Variants in CCDC25 observed in about 807,000 individuals in gnomAD.
CCDC25 encodes the protein coiled-coil domain containing 25, also known as coiled-coil domain-containing protein 25.
In CCDC25, 16 loss-of-function variants were observed where a neutral mutation model predicts 35.3. That is an observed-to-expected ratio of 0.45 (90% confidence interval 0.31 to 0.69). The LOEUF (loss-of-function observed/expected upper bound fraction) is 0.69. Among genes scored for constraint, CCDC25 ranks in the 30% least tolerant of loss-of-function variants. The probability of loss-of-function intolerance (pLI) is 0.06; values close to 1 mark genes in which losing one functional copy is unlikely to be tolerated. For synonymous variants in CCDC25, 79 were observed against 80.3 expected (o/e 0.98, Z 0.09); for missense variants, 179 against 250.7 (o/e 0.71, Z 1.93).
Position 27,737,672 on chromosome 8 carries a change from A to G in CCDC25, c.598-1427T>C, listed in dbSNP as rs1375489044. ...AGCCACTATGGAAAACAGCAAGGAG[A>G]TTTCTTAAAGAACTGAAGTAGAACT... On this transcript the variant is annotated intron_variant, in intron 8 of 8. Coordinates refer to ENST00000356537, the MANE Select transcript of CCDC25 (RefSeq NM_018246.3). This position sits in a 1 kb window ranked among gnomAD's most constrained non-coding sequence, Gnocchi z 4.6. Among the ~76,000 whole-genome samples, 1 of 152,172 alleles carries G rather than the reference A, an allele frequency of 6.6e-6. No individual in the cohort carries two copies. Among genetic ancestry groups the G allele is most frequent in the Non-Finnish European group, 1.5e-5 (1 of 68,034 alleles).
rs10098686 is a variant in CCDC25, at chr8:27,741,056, A to T, written c.552-539T>A. ...AGAGACAGAGATGGTATCTTTAATG[A>T]CTTGCTGAATATCCAGCTAACTCAG... is the stretch of plus-strand genomic sequence containing the variant. On this transcript the variant is annotated intron_variant, in intron 7 of 8. Transcript: ENST00000356537. 4.7e-3 allele frequency among the ~76,000 whole-genome samples: 717 copies of T among 152,322 alleles called. 7 individuals carry two copies. Among genetic ancestry groups the T allele is most frequent in the African/African-American group, 0.017 (689 of 41,570 alleles).
chr8:27,766,598 G>C (rs1804407986), intron 1 of CCDC25, among the ~76,000 whole-genome samples: 1 of 151,908 alleles, frequency 6.6e-6, no homozygotes, highest in African/African-American at 2.4e-5. Context: ...CAAAAGGGTG[G>C]GAATAAAACT....
rs528265770 is a variant in CCDC25 at position 27,767,006 on chromosome 8, C to G, written c.29-1755G>C. Among the ~76,000 whole-genome samples the G allele has an allele frequency of 7.9e-5, 12 of 151,408 alleles. No individual in the cohort carries two copies. In the South Asian group the frequency reaches 2.5e-3, roughly 31 times the overall value. The stretch of plus-strand genomic sequence containing the variant: ...TGGAAGCATAAACATTTTTTAACAA[C>G]AGTTACCTTGGTTAGCCTGCTATAA... On this transcript the variant is annotated intron_variant, in intron 1 of 8. Coordinates refer to ENST00000356537, the MANE Select transcript of CCDC25 (RefSeq NM_018246.3).
In CCDC25 at chr8:27,762,791, C is replaced by G. The variant is rs184256512; in HGVS notation, c.77-333G>C. ...CAGATAATCAATTCACCTAATAATA[C>G]TTAAACATTAAAAAGAACTGGCTGA... On this transcript the variant is annotated intron_variant, in intron 2 of 8. Coordinates refer to ENST00000356537, the MANE Select transcript of CCDC25 (RefSeq NM_018246.3). Among the ~76,000 whole-genome samples, 226 of 152,128 alleles carry G rather than the reference C, an allele frequency of 1.5e-3. 4 individuals carry two copies. Among genetic ancestry groups the G allele is most frequent in the Non-Finnish European group, 9.1e-4 (62 of 67,994 alleles).
At chr8:27,750,974 G>A (rs1803781244) in intron 5 of CCDC25, among the ~76,000 whole-genome samples, 1 of 152,138 alleles carries the variant, frequency 6.6e-6, no homozygotes. Flanking sequence ...CCACTCCTCG[G>A]CACATAATCT....
intron 1 of CCDC25, among the ~76,000 whole-genome samples, chr8:27,766,190 TACTGAAAAATAAATACAC>T (rs1157217583): frequency 6.6e-6 from 1 of 152,146 alleles, no homozygotes; most frequent in African/African-American, 2.4e-5. Flanking sequence ...GATGGAGAAG[TACTGAAAAATAAATACAC>T]ACTGAAGCAA....
At chr8:27,771,655 C>T (rs150903128) in intron 1 of CCDC25, among the ~76,000 whole-genome samples, 72 of 152,276 alleles carry the variant, frequency 4.7e-4, no homozygotes, top group African/African-American at 1.7e-3. Context: ...GGGACTTACA[C>T]TCTAGCTCAA....
At chr8:27,739,511 T>TA (rs1490475511) in intron 8 of CCDC25, among the ~76,000 whole-genome samples, 2 of 151,494 alleles carry the variant, frequency 1.3e-5, no homozygotes, top group African/African-American at 2.4e-5. Context: ...AAAAAACAAT[T>TA]AAAAAAATAC....
chr8:27,746,595 A>G (rs1803610950), intron 7 of CCDC25, among the ~76,000 whole-genome samples: 1 of 152,196 alleles, frequency 6.6e-6, no homozygotes, highest in South Asian at 2.1e-4. Flanking sequence ...TAACTGCTCT[A>G]AATCCTGCAT....
chr8:27,758,297 G>C (rs998057985), intron 3 of CCDC25, among the ~76,000 whole-genome samples: 2 of 152,158 alleles, frequency 1.3e-5, no homozygotes, highest in African/African-American at 4.8e-5. Context: ...CCTAGTACAA[G>C]ATGTAGACTG....
At position 27,735,248 on chromosome 8, in the gene CCDC25, C is replaced by T. The variant is rs1803180336; in HGVS notation, c.*968G>A. ...CACCAACATGGAATAAATGGAAACA[C>T]TAGCCTTTTGGTTTTGCCCACAGTT... On this transcript the variant is annotated 3_prime_UTR_variant, in exon 9 of 9. Coordinates refer to ENST00000356537, the MANE Select transcript of CCDC25 (RefSeq NM_018246.3). The T allele has an allele frequency of 6.6e-6, 1 of 152,578 alleles. No individual in the cohort carries two copies. The allele number at this position is 152,578 out of a possible 1,614,324, so 9.5% of individuals were successfully genotyped here. A position where few individuals can be genotyped will look rare whatever the true frequency, so the allele number is the denominator to read the frequency against.
At chr8:27,760,852 G>A (rs182598238) in intron 3 of CCDC25, among the ~76,000 whole-genome samples, 22 of 152,308 alleles carry the variant, frequency 1.4e-4, no homozygotes, top group African/African-American at 2.9e-4. Flanking sequence ...CTGGCTGGGC[G>A]CGGTGGCTCA....
intron 8 of CCDC25, among the ~76,000 whole-genome samples, chr8:27,738,601 GGTGTGTGT>G (rs35046025): frequency 9.3e-5 from 14 of 150,074 alleles, no homozygotes; most frequent in East Asian, 2.0e-4. Flanking sequence ...TCGGTAGGTA[GGTGTGTGT>G]GTGTGTGTGT....
Position 27,759,966 on chromosome 8 carries a change from C to A in CCDC25, c.116+2453G>T, listed in dbSNP as rs1455252658. ...GAACACCCCACCCTGGAATGGTGAT[C>A]AACTCAGGATCATTCTTAGCACTCC... On this transcript the variant is annotated intron_variant, in intron 3 of 8. Coordinates refer to ENST00000356537, the MANE Select transcript of CCDC25 (RefSeq NM_018246.3). Among the ~76,000 whole-genome samples, 16 of 152,116 alleles carry A rather than the reference C, an allele frequency of 1.1e-4. No individual in the cohort carries two copies. In the East Asian group the frequency reaches 2.9e-3, roughly 28 times the overall value.
intron 7 of CCDC25, chr8:27,747,717 A>G (rs1191752869): frequency 4.5e-6 from 1 of 220,804 alleles, no homozygotes; most frequent in African/African-American, 2.3e-5. Context: ...AGCCAACACA[A>G]CTTTACTTAA....
At chr8:27,747,342 C>G (rs1803639471) in intron 7 of CCDC25, among the ~76,000 whole-genome samples, 1 of 152,118 alleles carries the variant, frequency 6.6e-6, no homozygotes, top group South Asian at 2.1e-4. Flanking sequence ...GGAGAAGGAG[C>G]CACAAGCCAA....
intron 1 of CCDC25, among the ~76,000 whole-genome samples, chr8:27,767,978 G>A (rs1458973287): frequency 3.9e-5 from 6 of 152,222 alleles, no homozygotes; most frequent in Non-Finnish European, 8.8e-5. Flanking sequence ...GAGGCAGGTG[G>A]ATTACTTGGG....
chr8:27,736,153 CA>C lies in CCDC25; in HGVS notation c.*62del. The C allele has an allele frequency of 2.0e-6, 3 of 1,528,196 alleles. No homozygotes were observed. Among genetic ancestry groups the C allele is most frequent in the South Asian group, 1.2e-5 (1 of 82,522 alleles). The allele number at this position is 1,528,196 out of a possible 1,614,324, so 94.7% of individuals were successfully genotyped here. A position where few individuals can be genotyped will look rare whatever the true frequency, so the allele number is the denominator to read the frequency against. On this transcript the variant is annotated 3_prime_UTR_variant, in exon 9 of 9. Coordinates refer to ENST00000356537, the MANE Select transcript of CCDC25 (RefSeq NM_018246.3). ...TTATATTTCAGAACACAGATGAAACCAAAAGGTCTGCAATTGTCTCTACATT... is the reference window on the plus strand; with the variant it reads ...TTATATTTCAGAACACAGATGAAACCAAAGGTCTGCAATTGTCTCTACATT...
At chr8:27,744,219 A>T (rs1045915161) in intron 7 of CCDC25, among the ~76,000 whole-genome samples, 1 of 152,226 alleles carries the variant, frequency 6.6e-6, no homozygotes, top group Non-Finnish European at 1.5e-5. Flanking sequence ...TGACATATAT[A>T]AGTTACTTGG....
Sources: gnomAD v4.1 joint callset for allele counts (sites outside exome capture counted in the v4.1 genomes callset) on GRCh38, gnomAD v4.1.1 for gene constraint, Gnocchi (gnomAD v3.1) non-coding constraint, MANE v1.5 for transcripts, NCBI Gene and HGNC (gene_info 2026-07-23, HGNC 2026-07-21) for gene names.